The following C1orf94 variants were observed in gnomAD, a reference collection of about 807,000 sequenced individuals.
C1orf94 encodes chromosome 1 open reading frame 94.
Under a neutral mutation model 53.6 loss-of-function variants are expected in C1orf94, and 45 were observed. That is an observed-to-expected ratio of 0.84 (90% CI 0.66 to 1.08). The LOEUF (loss-of-function observed/expected upper bound fraction) is 1.08. Among genes scored for constraint, C1orf94 ranks in the 50% least tolerant of loss-of-function variants. C1orf94 has a pLI of 0.00. For synonymous variants in C1orf94, 304 were observed against 296.1 expected, an observed-to-expected ratio of 1.03 and a Z score of -0.27; for missense variants, 762 against 738.9, an observed-to-expected ratio of 1.03 and a Z score of -0.36.
At chr1:34,214,896 A>G (rs1642957023) in intron 6 of C1orf94, among the ~76,000 whole-genome samples, 1 of 152,172 alleles carries the variant, frequency 6.6e-6, no homozygotes, top group Non-Finnish European at 1.5e-5. Flanking sequence ...CGGAAAAATA[A>G]TGTAAGGGAT....
intron 1 of C1orf94, among the ~76,000 whole-genome samples, chr1:34,192,487 G>C (rs911560377): frequency 6.6e-6 from 1 of 152,216 alleles, no homozygotes; most frequent in African/African-American, 2.4e-5. Context: ...CATGGGTAAA[G>C]GCAAGTGAAC....
intron 1 of C1orf94, among the ~76,000 whole-genome samples, chr1:34,185,450 G>C (rs1166959047): frequency 6.6e-6 from 1 of 152,208 alleles, no homozygotes; most frequent in Non-Finnish European, 1.5e-5. Flanking sequence ...AAAGTGCTGG[G>C]ATTATAGGCG....
At chr1:34,176,001 G>T (rs1031033876), upstream of C1orf94, among the ~76,000 whole-genome samples, 2 of 151,878 alleles carry the variant, frequency 1.3e-5, no homozygotes, top group Non-Finnish European at 2.9e-5. Flanking sequence ...TGCTTTACTC[G>T]CTTGGCTGGT....
intron 5 of C1orf94, among the ~76,000 whole-genome samples, chr1:34,211,549 T>C (rs1642889760): frequency 6.6e-6 from 1 of 152,196 alleles, no homozygotes; most frequent in African/African-American, 2.4e-5. Flanking sequence ...CTGTCTACTA[T>C]GGCAGCCACC....
intron 2 of C1orf94, 132 bp downstream of exon 2, chr1:34,198,045 A>T (rs1460015242): frequency 2.9e-6 from 3 of 1,018,914 alleles, no homozygotes; most frequent in Non-Finnish European, 4.2e-6. Context: ...TCTGGTGGGC[A>T]CAGCCCCGAG....
At position 34,202,875 on chromosome 1, in the gene C1orf94, A is replaced by AAAC. The variant is rs140866143; in HGVS notation, c.1446+634_1446+636dup. On this transcript the variant is annotated intron_variant, in intron 4 of 6. Transcript: ENST00000488417. ...TTGGATGGAAACTACTTGAAGAAGA[A>AAAC]AACAACAACAACAACAACAAAATAC... 1.5e-3 allele frequency among the ~76,000 whole-genome samples: 229 copies of AAAC among 152,254 alleles called. 2 individuals are homozygous for AAAC. The highest frequency in any genetic ancestry group is 5.0e-3 in the African/African-American group (208 of 41,508).
intron 6 of C1orf94, among the ~76,000 whole-genome samples, chr1:34,213,862 T>A (rs908563713): frequency 1.3e-5 from 2 of 151,782 alleles, no homozygotes; most frequent in Non-Finnish European, 2.9e-5. Flanking sequence ...TTAAAAAAAA[T>A]ATTCCTTCCT....
At chr1:34,204,694 A>C (rs1188955316) in intron 4 of C1orf94, among the ~76,000 whole-genome samples, 1 of 152,242 alleles carries the variant, frequency 6.6e-6, no homozygotes, top group African/African-American at 2.4e-5. Flanking sequence ...TCTCCCTACA[A>C]GCCTACTAGA....
upstream of C1orf94, among the ~76,000 whole-genome samples, chr1:34,172,613 G>A (rs1292257343): frequency 3.9e-5 from 6 of 152,186 alleles, no homozygotes; most frequent in East Asian, 1.2e-3. Context: ...CTCCTCTCAT[G>A]TGGGCAAGGA....
At chr1:34,195,779 G>GGTGTGT (rs67390104) in intron 1 of C1orf94, among the ~76,000 whole-genome samples, 27 of 145,272 alleles carry the variant, frequency 1.9e-4, no homozygotes, top group African/African-American at 5.1e-4. Flanking sequence ...TCTGTTCGTG[G>GGTGTGT]GTGTGTGTGT....
chr1:34,206,580 C>T (rs903102334), intron 4 of C1orf94, among the ~76,000 whole-genome samples: 5 of 152,194 alleles, frequency 3.3e-5, no homozygotes, highest in Admixed American at 2.0e-4. Flanking sequence ...AACAGGCAGG[C>T]GCACGACTGC....
intron 2 of C1orf94, among the ~76,000 whole-genome samples, chr1:34,199,352 G>T (rs1398313282): frequency 1.3e-5 from 2 of 152,208 alleles, no homozygotes; most frequent in African/African-American, 2.4e-5. Context: ...CAGCTCACAG[G>T]CTAGGGGCTG....
rs762997561 is a variant in C1orf94, at chr1:34,201,015, A to G, written c.1253A>G (p.Asp418Gly). The change falls in exon 3 of 7, where the codon GAT becomes GGT. Residue 418 changes from aspartate to glycine, a missense_variant. Asp to Gly is a moderately conservative substitution (Grantham distance 94, BLOSUM62 -1). Coordinates refer to ENST00000488417, the MANE Select transcript of C1orf94 (RefSeq NM_001134734.2). ...AGACTTCGAAACAAAGTGGAAGTGG[A>G]TGGGCCGGAGCTGAAATGTGAGCTG... ...QPRLRNKVEVDGPELKFNAPV... is the reference protein window; with the variant it reads ...QPRLRNKVEVGGPELKFNAPV... The G allele has an allele frequency of 1.3e-6, 2 of 1,598,954 alleles. No individual in the cohort carries two copies. Among genetic ancestry groups the G allele is most frequent in the East Asian group, 2.3e-5 (1 of 44,126 alleles).
intron 1 of C1orf94, among the ~76,000 whole-genome samples, chr1:34,178,998 C>A (rs573292238): frequency 1.1e-4 from 17 of 152,134 alleles, no homozygotes; most frequent in Admixed American, 1.1e-3. Flanking sequence ...AAAGACTAAC[C>A]GATAATTAAG....
chr1:34,212,425 G>A lies in C1orf94; in HGVS notation c.1721+19G>A. On this transcript the variant is annotated intron_variant, in intron 6 of 6. Coordinates refer to ENST00000488417, the MANE Select transcript of C1orf94 (RefSeq NM_001134734.2). ...GATATGGGTGAGTCAGCCCACACTGGGAGCCTAAGGGTATCCAGAAAGCTG... is the reference window on the plus strand; with the variant it reads ...GATATGGGTGAGTCAGCCCACACTGAGAGCCTAAGGGTATCCAGAAAGCTG... 3.8e-6 allele frequency: 6 copies of A among 1,586,814 alleles called. No individual in the cohort carries two copies. Among genetic ancestry groups the A allele is most frequent in the Non-Finnish European group, 4.3e-6 (5 of 1,167,990 alleles).
upstream of C1orf94, among the ~76,000 whole-genome samples, chr1:34,175,340 C>T (rs924022647): frequency 6.6e-6 from 1 of 152,066 alleles, no homozygotes; most frequent in African/African-American, 2.4e-5. Context: ...TGGCGTTCTG[C>T]TCTAAGCTTA....
intron 2 of C1orf94, among the ~76,000 whole-genome samples, chr1:34,199,851 G>C (rs1642669311): frequency 3.9e-5 from 6 of 152,222 alleles, no homozygotes; most frequent in Admixed American, 3.9e-4. Flanking sequence ...TTTGCCCACA[G>C]TTATCCCTGC....
rs1642689707 is a variant in C1orf94 at position 34,200,723 on chromosome 1, C to T, written c.1010-49C>T. 3.1e-6 allele frequency: 5 copies of T among 1,607,046 alleles called. No individual in the cohort carries two copies. The East Asian group carries it at 1.1e-4, about 36-fold the overall frequency. On this transcript the variant is annotated intron_variant, in intron 2 of 6. Transcript: ENST00000488417. ...TCCACAAAAAGGTGCTTCCAGCATC[C>T]AGCACTTGGCCTTCCAGAGGCATTG...
chr1:34,215,325 A>G (rs80310494), intron 6 of C1orf94, among the ~76,000 whole-genome samples: 8,219 of 152,316 alleles, frequency 0.054, 634 homozygotes, highest in African/African-American at 0.17. Flanking sequence ...CCAGGGCCAG[A>G]CTAGACAGGG....
Sources: gnomAD v4.1 joint callset for allele counts (sites outside exome capture counted in the v4.1 genomes callset) on GRCh38, gnomAD v4.1.1 for gene constraint, MANE v1.5 for transcripts, NCBI Gene and HGNC (gene_info 2026-07-23, HGNC 2026-07-21) for gene names.